The following COL4A4 variants were observed in gnomAD, a reference collection of about 807,000 sequenced individuals.
The protein encoded by COL4A4 is collagen alpha-4(IV) chain.
In COL4A4, 105 loss-of-function variants were observed where a neutral mutation model predicts 192.9. The ratio of observed to expected loss-of-function variants is 0.54; its 90% CI spans 0.46 to 0.64. The LOEUF is 0.64. Ranked by LOEUF, COL4A4 falls within the 30% of genes least tolerant of loss-of-function variation. The pLI is 0.00. For synonymous variants in COL4A4, 762 were observed against 769.9 expected, an observed-to-expected ratio of 0.99 and a Z score of 0.17; for missense variants, 1,967 against 2,169.3, an observed-to-expected ratio of 0.91 and a Z score of 1.85.
rs748784244 is a variant in COL4A4, at chr2:227,080,560, A to G, written c.1697-11T>C. On this transcript the variant is annotated splice_polypyrimidine_tract_variant and intron_variant, in intron 23 of 47. Coordinates refer to ENST00000396625, the MANE Select transcript of COL4A4 (RefSeq NM_000092.5). ...TTTCTCCTTTGTGCCCTGGAAATAG[A>G]GGTCAAAAGATATTCAAGCTCTTAT... is the stretch of plus-strand genomic sequence containing the variant. 6.2e-7 allele frequency: 1 copy of G among 1,607,958 alleles called. No homozygotes were observed. Among genetic ancestry groups the G allele is most frequent in the Non-Finnish European group, 8.5e-7 (1 of 1,174,530 alleles).
At chr2:227,060,326 T>G (rs1215901771) in intron 26 of COL4A4, 83 bp from the exon 27 acceptor site, 1 of 944,140 alleles carries the variant, frequency 1.1e-6, no homozygotes, top group Non-Finnish European at 1.7e-6. Flanking sequence ...TTTAAGTCTA[T>G]GTTAAGTCCT....
At chr2:227,106,643 G>A (rs909634187) in intron 12 of COL4A4, among the ~76,000 whole-genome samples, 1 of 152,182 alleles carries the variant, frequency 6.6e-6, no homozygotes, top group Non-Finnish European at 1.5e-5. Context: ...TTGGCTCACT[G>A]CAACTGCCAC....
chr2:227,101,782 C>T (rs990277755), intron 16 of COL4A4, 83 bp downstream of exon 16: 77 of 1,197,146 alleles, frequency 6.4e-5, no homozygotes, highest in African/African-American at 2.3e-4. Context: ...TGTGTTTGCA[C>T]GCAACAGTAC....
intron 37 of COL4A4, among the ~76,000 whole-genome samples, chr2:227,033,815 C>A (rs1337950098): frequency 2.6e-5 from 4 of 152,200 alleles, no homozygotes; most frequent in Non-Finnish European, 5.9e-5. Context: ...AATAAAATCA[C>A]CCTACATGAG....
intron 25 of COL4A4, among the ~76,000 whole-genome samples, chr2:227,062,986 T>C (rs6740636): frequency 0.014 from 2,118 of 152,264 alleles, 50 homozygotes; most frequent in African/African-American, 0.048. Flanking sequence ...GAATGAGAAG[T>C]CTCGATAAAT....
At chr2:227,000,342 A>T (rs919565320), downstream of COL4A4, among the ~76,000 whole-genome samples, 1 of 152,222 alleles carries the variant, frequency 6.6e-6, no homozygotes, top group African/African-American at 2.4e-5. Context: ...CTCAAATTTC[A>T]GTGCGCACAA....
chr2:226,969,288 T>G, the COL4A4 span, among the ~76,000 whole-genome samples: 6 of 152,080 alleles, frequency 3.9e-5, no homozygotes, highest in African/African-American at 1.4e-4. Flanking sequence ...CTCTTGACCT[T>G]AGTTCCTAAT....
rs567409028 is a variant in COL4A4, at chr2:227,005,311, G to A, written c.*2014C>T. On this transcript the variant is annotated 3_prime_UTR_variant, in exon 48 of 48. Transcript: ENST00000396625. ...AAGATACGTTTCTGATGTTCCATTTGTCACCCTTACCTCTTCCCAGAAAAT... is the reference window on the plus strand; with the variant it reads ...AAGATACGTTTCTGATGTTCCATTTATCACCCTTACCTCTTCCCAGAAAAT... 1.3e-5 allele frequency: 2 copies of A among 151,776 alleles called. No individual in the cohort carries two copies. Among genetic ancestry groups the A allele is most frequent in the African/African-American group, 4.8e-5 (2 of 41,338 alleles). 9.4% of individuals were successfully genotyped at this position (151,776 alleles called of 1,614,324 possible). A position where few individuals can be genotyped will look rare whatever the true frequency, so the allele number is the denominator to read the frequency against.
At chr2:227,096,084 A>AAT (rs2060194330) in intron 19 of COL4A4, among the ~76,000 whole-genome samples, 1 of 152,138 alleles carries the variant, frequency 6.6e-6, no homozygotes, top group Non-Finnish European at 1.5e-5. Flanking sequence ...TCTCTATCAA[A>AAT]AGGTGGGTGT....
intron 1 of COL4A4, among the ~76,000 whole-genome samples, chr2:227,153,146 C>T (rs930342279): frequency 2.6e-5 from 4 of 152,128 alleles, no homozygotes; most frequent in African/African-American, 9.7e-5. Context: ...ACCACAAGAA[C>T]AGTATGGGGC....
intron 43 of COL4A4, among the ~76,000 whole-genome samples, chr2:227,023,947 A>C (rs1346255032): frequency 6.6e-6 from 1 of 151,386 alleles, no homozygotes; most frequent in Non-Finnish European, 1.5e-5. Context: ...CGGAGATTGC[A>C]GTGAGCCAAG....
intron 42 of COL4A4, among the ~76,000 whole-genome samples, chr2:227,027,127 G>A (rs950779999): frequency 1.3e-5 from 2 of 151,762 alleles, no homozygotes; most frequent in East Asian, 1.9e-4. Flanking sequence ...AGTGGCACAC[G>A]CCTATAATCC....
chr2:227,083,487 C>G (rs1259189911), intron 22 of COL4A4, among the ~76,000 whole-genome samples: 2 of 152,104 alleles, frequency 1.3e-5, no homozygotes, highest in Non-Finnish European at 2.9e-5. Context: ...CACTTCATCC[C>G]CCAGGCTGCA....
intron 4 of COL4A4, among the ~76,000 whole-genome samples, chr2:227,132,552 G>A (rs548236501): frequency 6.8e-4 from 103 of 152,308 alleles, no homozygotes; most frequent in Admixed American, 2.1e-3. Flanking sequence ...GAGATGGGCA[G>A]ATCTCTTGAG....
intron 34 of COL4A4, among the ~76,000 whole-genome samples, chr2:227,047,984 T>C (rs1973251705): frequency 6.6e-6 from 1 of 152,176 alleles, no homozygotes; most frequent in African/African-American, 2.4e-5. Flanking sequence ...CTCAGTGTCC[T>C]TGCAAAAAGA....
At chr2:227,027,552 G>A (rs933571782) in intron 42 of COL4A4, among the ~76,000 whole-genome samples, 5 of 150,990 alleles carry the variant, frequency 3.3e-5, no homozygotes, top group African/African-American at 1.2e-4. Flanking sequence ...GTTAATGGGT[G>A]CAGCACACCA....
intron 1 of COL4A4, among the ~76,000 whole-genome samples, chr2:227,152,210 A>G (rs962281848): frequency 9.2e-5 from 14 of 152,314 alleles, no homozygotes; most frequent in East Asian, 1.9e-4. Context: ...AATATTTGGG[A>G]AAAATTGGTG....
rs1469771734 is a variant in COL4A4, at chr2:227,008,012, A to T, written c.4809+6T>A. ...GAGCCAGGGTTTTCAAGGGCACGGG[A>T]CTCACCATCAGGAATGAATACCCGA... On this transcript the variant is annotated splice_donor_region_variant and intron_variant, in intron 47 of 47. Transcript: ENST00000396625. 3 of 1,608,778 alleles carry T rather than the reference A, an allele frequency of 1.9e-6. No individual in the cohort carries two copies. The highest frequency in any genetic ancestry group is 1.7e-5 in the Admixed American group (1 of 60,022).
intron 31 of COL4A4, 48 bp from the exon 32 acceptor site, chr2:227,052,460 A>C: frequency 9.1e-7 from 1 of 1,102,164 alleles, no homozygotes; most frequent in Non-Finnish European, 1.4e-6. Context: ...AACATCACAC[A>C]CATAATTTAT....
Sources: gnomAD v4.1 joint callset for allele counts (sites outside exome capture counted in the v4.1 genomes callset) on GRCh38, gnomAD v4.1.1 for gene constraint, MANE v1.5 for transcripts, NCBI Gene and HGNC (gene_info 2026-07-23, HGNC 2026-07-21) for gene names.